MAPKAPK5: variants seen among roughly 807,000 people sequenced by gnomAD.
MAPKAPK5 encodes the protein MAP kinase-activated protein kinase 5.
In MAPKAPK5, 30 loss-of-function variants were observed where a neutral mutation model predicts 65.1. That is an observed-to-expected ratio of 0.46 (90% CI 0.34 to 0.63). The LOEUF is 0.63. Among genes scored for constraint, MAPKAPK5 ranks in the 20% least tolerant of loss-of-function variants. The probability of loss-of-function intolerance (pLI) is 0.01; values close to 1 mark genes in which losing one functional copy is unlikely to be tolerated. For synonymous variants in MAPKAPK5, 179 were observed against 204.6 expected, an observed-to-expected ratio of 0.87 and a Z score of 1.07; for missense variants, 433 against 581.4, an observed-to-expected ratio of 0.74 and a Z score of 2.63.
intron 8 of MAPKAPK5, among the ~76,000 whole-genome samples, chr12:111,881,403 C>CTTTTTTTTTTTTTT (rs61349417): frequency 9.0e-6 from 1 of 110,728 alleles, no homozygotes; most frequent in African/African-American, 3.4e-5. Flanking sequence ...CTGTCTGTTC[C>CTTTTTTTTTTTTTT]TTTTTTTTTT....
chr12:111,875,385 T>G (rs1026326220), intron 7 of MAPKAPK5, among the ~76,000 whole-genome samples: 1 of 151,996 alleles, frequency 6.6e-6, no homozygotes, highest in African/African-American at 2.4e-5. Context: ...AATGCCATTT[T>G]TTTTAAAATT....
rs970162856 is a variant in MAPKAPK5 at position 111,896,186 on chromosome 12, A to ATTAT, written c.*3128_*3131dup. 3 of 152,170 alleles carry ATTAT rather than the reference A, an allele frequency of 2.0e-5. No individual in the cohort carries two copies. Among genetic ancestry groups the ATTAT allele is most frequent in the Admixed American group, 6.5e-5 (1 of 15,282 alleles). The allele number at this position is 152,170 out of a possible 1,614,324, so 9.4% of individuals were successfully genotyped here. ...GTGTCTTCTAAAAAGGCTCAGGATG[A>ATTAT]TTATTTTTTCCTTCAGTGTATGCTG... is the stretch of plus-strand genomic sequence containing the variant. On this transcript the variant is annotated 3_prime_UTR_variant, in exon 14 of 14. Transcript: ENST00000550735.
chr12:111,842,664 C>A lies in MAPKAPK5; in HGVS notation c.-70C>A. On this transcript the variant is annotated 5_prime_UTR_variant, in exon 1 of 14. Transcript: ENST00000550735. ...GGGCCCGAGTGCCGAGCCCTTTGCT[C>A]CCTCGGCCGCGCGGGGACAGGGCTG... 1 of 1,236,010 alleles carries A rather than the reference C, an allele frequency of 8.1e-7. No homozygotes were observed. The highest frequency in any genetic ancestry group is 1.0e-6 in the Non-Finnish European group (1 of 959,444). The allele number at this position is 1,236,010 out of a possible 1,614,324, so 76.6% of individuals were successfully genotyped here.
In MAPKAPK5 at chr12:111,899,879, G is replaced by A. The variant is rs915148480; in HGVS notation, c.*6818G>A. The A allele has an allele frequency of 8.8e-6, 4 of 455,710 alleles. No homozygotes were observed. The highest frequency in any genetic ancestry group is 4.7e-5 in the Admixed American group (2 of 42,548). The allele number at this position is 455,710 out of a possible 1,614,324, so 28.2% of individuals were successfully genotyped here. On this transcript the variant is annotated 3_prime_UTR_variant, in exon 14 of 14. Coordinates refer to ENST00000550735, the MANE Select transcript of MAPKAPK5 (RefSeq NM_003668.4). ...GGCACATCAAGCGTGAGTCTCCTGTGGTGTCTACTAGCTGGCAACAAGGGA... is the reference window on the plus strand; with the variant it reads ...GGCACATCAAGCGTGAGTCTCCTGTAGTGTCTACTAGCTGGCAACAAGGGA...
chr12:111,901,532 C>A lies in MAPKAPK5; in HGVS notation c.*8471C>A. 1 of 358,664 alleles carries A rather than the reference C, an allele frequency of 2.8e-6. No homozygotes were observed. Among genetic ancestry groups the A allele is most frequent in the Non-Finnish European group, 5.5e-6 (1 of 181,554 alleles). 22.2% of individuals were successfully genotyped at this position (358,664 alleles called of 1,614,324 possible). ...TAAGTACAATTATTTGATCTGCTTGCTTAAAAAATCACCAGAGGCTGCCCC... is the reference window on the plus strand; with the variant it reads ...TAAGTACAATTATTTGATCTGCTTGATTAAAAAATCACCAGAGGCTGCCCC... On this transcript the variant is annotated 3_prime_UTR_variant, in exon 14 of 14. Coordinates refer to ENST00000550735, the MANE Select transcript of MAPKAPK5 (RefSeq NM_003668.4).
At chr12:111,871,498 C>T (rs1317022779) in intron 7 of MAPKAPK5, among the ~76,000 whole-genome samples, 1 of 152,040 alleles carries the variant, frequency 6.6e-6, no homozygotes, top group African/African-American at 2.4e-5. Context: ...AAAAAATTAG[C>T]CGAGTGTGGT....
chr12:111,877,051 C>T (rs938833485), intron 7 of MAPKAPK5, among the ~76,000 whole-genome samples: 5 of 123,198 alleles, frequency 4.1e-5, no homozygotes, highest in Admixed American at 8.0e-5. Flanking sequence ...TGGAGTCTTG[C>T]TCCTGGCACA....
intron 1 of MAPKAPK5, among the ~76,000 whole-genome samples, chr12:111,851,582 TC>T (rs767640647): frequency 2.0e-5 from 3 of 152,288 alleles, no homozygotes; most frequent in East Asian, 3.9e-4. Context: ...TGCCTCAGCC[TC>T]CCAAAGTGCT....
chr12:111,898,102 T>A lies in MAPKAPK5; in HGVS notation c.*5041T>A, dbSNP rs759538767. ...CGAAGAAATCTTTTAAAAGTTCTTA[T>A]ATAGCCCAGTTTTCTTTTCTTGATG... On this transcript the variant is annotated 3_prime_UTR_variant, in exon 14 of 14. Coordinates refer to ENST00000550735, the MANE Select transcript of MAPKAPK5 (RefSeq NM_003668.4). 6.6e-6 allele frequency: 1 copy of A among 152,072 alleles called. No individual in the cohort carries two copies. Among genetic ancestry groups the A allele is most frequent in the Admixed American group, 6.6e-5 (1 of 15,252 alleles). 9.4% of individuals were successfully genotyped at this position (152,072 alleles called of 1,614,324 possible).
intron 8 of MAPKAPK5, 36 bp downstream of exon 8, chr12:111,880,563 G>A (rs1411174949): frequency 1.6e-5 from 25 of 1,580,620 alleles, no homozygotes; most frequent in Non-Finnish European, 1.8e-5. Flanking sequence ...TTTGACAGAT[G>A]CAGCCCCTCT....
Position 111,894,760 on chromosome 12 carries a change from G to T in MAPKAPK5, c.*1699G>T, listed in dbSNP as rs1377967714. 2.3e-5 allele frequency: 3 copies of T among 129,600 alleles called. No homozygotes were observed. Among genetic ancestry groups the T allele is most frequent in the Non-Finnish European group, 4.6e-5 (3 of 64,848 alleles). The allele number at this position is 129,600 out of a possible 1,614,324, so 8.0% of individuals were successfully genotyped here. ...GGGTTTCCATAACAAACCAATTTTCGTGTATATGTGTGTGTGTGTGTGTGT... is the reference window on the plus strand; with the variant it reads ...GGGTTTCCATAACAAACCAATTTTCTTGTATATGTGTGTGTGTGTGTGTGT... On this transcript the variant is annotated 3_prime_UTR_variant, in exon 14 of 14. Coordinates refer to ENST00000550735, the MANE Select transcript of MAPKAPK5 (RefSeq NM_003668.4).
rs2070318854 is a variant in MAPKAPK5 at position 111,883,926 on chromosome 12, G to T, written c.848+158G>T. ...CTGGAGCCTGAGGTGACTGTTCTCA[G>T]TGTCCACACCTTGGTGCGAATGAAG... is the stretch of plus-strand genomic sequence containing the variant. On this transcript the variant is annotated intron_variant, in intron 9 of 13. Transcript: ENST00000550735. The surrounding 1 kb of genome is among the most constrained non-coding windows in gnomAD (Gnocchi z 4.8). 6.6e-6 allele frequency among the ~76,000 whole-genome samples: 1 copy of T among 152,194 alleles called. No individual in the cohort carries two copies. Among genetic ancestry groups the T allele is most frequent in the Admixed American group, 6.5e-5 (1 of 15,282 alleles).
chr12:111,852,235 G>A (rs2069107666), intron 1 of MAPKAPK5, among the ~76,000 whole-genome samples: 1 of 152,162 alleles, frequency 6.6e-6, no homozygotes, highest in Admixed American at 6.6e-5. Context: ...AGACAGAAAT[G>A]AGGATGTATT....
chr12:111,865,336 T>C lies in MAPKAPK5; in HGVS notation c.110+13T>C, dbSNP rs2069563793. On this transcript the variant is annotated intron_variant, in intron 2 of 13. Coordinates refer to ENST00000550735, the MANE Select transcript of MAPKAPK5 (RefSeq NM_003668.4). ...GTGGTCCAGTTAGGTAAGAGATCCA[T>C]ATGAGAAACTATGGCAAATTGTTGG... is the stretch of plus-strand genomic sequence containing the variant. The C allele has an allele frequency of 6.4e-7, 1 of 1,564,670 alleles. No homozygotes were observed. Among genetic ancestry groups the C allele is most frequent in the Non-Finnish European group, 8.7e-7 (1 of 1,149,606 alleles).
intron 9 of MAPKAPK5, among the ~76,000 whole-genome samples, chr12:111,884,367 C>T (rs1020747237): frequency 5.9e-5 from 9 of 152,180 alleles, no homozygotes; most frequent in Admixed American, 2.0e-4. Context: ...CCCGCTAACA[C>T]GCCCAGCTCA....
intron 1 of MAPKAPK5, among the ~76,000 whole-genome samples, chr12:111,859,209 C>T (rs2069345758): frequency 6.8e-6 from 1 of 148,118 alleles, no homozygotes; most frequent in Admixed American, 6.7e-5. Context: ...GTTATATTTA[C>T]AGTTAATTGC....
rs919301634 is a variant in MAPKAPK5, at chr12:111,888,398, A to T, written c.970-90A>T. 1.4e-5 allele frequency: 22 copies of T among 1,528,056 alleles called. No individual in the cohort carries two copies. In the Admixed American group the frequency reaches 4.4e-4, roughly 30 times the overall value. The allele number at this position is 1,528,056 out of a possible 1,614,324, so 94.7% of individuals were successfully genotyped here. ...ATAAGAGTGAAATTACCTTCTTAGTACTTTGAGCTTTTCCTTTCCACTTTC... is the reference window on the plus strand; with the variant it reads ...ATAAGAGTGAAATTACCTTCTTAGTTCTTTGAGCTTTTCCTTTCCACTTTC... On this transcript the variant is annotated intron_variant, in intron 10 of 13. Transcript: ENST00000550735.
intron 1 of MAPKAPK5, among the ~76,000 whole-genome samples, chr12:111,861,669 G>C (rs1593141940): frequency 6.6e-6 from 1 of 152,156 alleles, no homozygotes; most frequent in African/African-American, 2.4e-5. Context: ...CGATTGTGAT[G>C]TGCAGTTATT....
chr12:111,864,966 C>T (rs1383726466), intron 1 of MAPKAPK5, among the ~76,000 whole-genome samples: 1 of 152,202 alleles, frequency 6.6e-6, no homozygotes, highest in Non-Finnish European at 1.5e-5. Context: ...CAGAACCCCC[C>T]AAAAGCATTG....
Sources: allele counts gnomAD v4.1 joint callset (sites outside exome capture counted in the v4.1 genomes callset), GRCh38; gene constraint gnomAD v4.1.1; non-coding constraint Gnocchi (gnomAD v3.1); transcripts MANE v1.5; gene names NCBI Gene and HGNC (gene_info 2026-07-23, HGNC 2026-07-21).